The following EAPP variants were observed in gnomAD, a reference collection of about 807,000 sequenced individuals.
EAPP encodes E2F associated phosphoprotein, also known as E2F-associated phosphoprotein.
Under a neutral mutation model 34.3 loss-of-function variants are expected in EAPP, and 38 were observed. The observed-to-expected ratio is 1.11, with a 90% CI of 0.85 to 1.45. EAPP has a LOEUF of 1.45. Among genes scored for constraint, EAPP ranks in the 40% most tolerant of loss-of-function variants. The probability of loss-of-function intolerance (pLI) is 0.00; values close to 1 mark genes in which losing one functional copy is unlikely to be tolerated. For synonymous variants in EAPP, 113 were observed against 117.6 expected, an observed-to-expected ratio of 0.96 and a Z score of 0.25; for missense variants, 338 against 343.7, an observed-to-expected ratio of 0.98 and a Z score of 0.13.
chr14:34,519,572 T>C (rs191776918), intron 5 of EAPP, among the ~76,000 whole-genome samples: 2 of 151,978 alleles, frequency 1.3e-5, no homozygotes, highest in East Asian at 3.9e-4. Context: ...TCCCCAGCCA[T>C]GCTTCCTATA....
At chr14:34,522,817 A>G (rs1039668461) in intron 5 of EAPP, among the ~76,000 whole-genome samples, 10 of 152,240 alleles carry the variant, frequency 6.6e-5, no homozygotes, top group African/African-American at 2.2e-4. Context: ...GTCTCTGGCT[A>G]TCCTTCTTTG....
chr14:34,524,455 TAC>T (rs1311129787), intron 5 of EAPP, among the ~76,000 whole-genome samples: 1 of 151,816 alleles, frequency 6.6e-6, no homozygotes. Context: ...TAGATCTAGA[TAC>T]ACACAAAAAC....
intron 2 of EAPP, among the ~76,000 whole-genome samples, chr14:34,534,187 C>T (rs1469615421): frequency 1.3e-5 from 2 of 149,578 alleles, no homozygotes; most frequent in Non-Finnish European, 3.0e-5. Flanking sequence ...GGCTGGAGTG[C>T]AATAGCACAA....
Position 34,524,822 on chromosome 14 carries a change from G to C in EAPP, c.471-15C>G, listed in dbSNP as rs1880044096. 6.3e-7 allele frequency: 1 copy of C among 1,593,234 alleles called. No individual in the cohort carries two copies. The highest frequency in any genetic ancestry group is 1.3e-5 in the African/African-American group (1 of 74,216). Reference sequence around the variant, plus strand: ...AACCATGGTAACTAGAACAGAAGAAGAAAGTGGGGAGAAAAACATATTAAA... The same window carrying C: ...AACCATGGTAACTAGAACAGAAGAACAAAGTGGGGAGAAAAACATATTAAA... On this transcript the variant is annotated splice_polypyrimidine_tract_variant and intron_variant, in intron 4 of 5. Coordinates refer to ENST00000250454, the MANE Select transcript of EAPP (RefSeq NM_018453.4).
chr14:34,537,325 T>A (rs1288694429), intron 1 of EAPP, among the ~76,000 whole-genome samples: 3 of 152,238 alleles, frequency 2.0e-5, no homozygotes, highest in Admixed American at 6.5e-5. Flanking sequence ...TTATTTCTTA[T>A]AACTGAATGT....
chr14:34,536,130 T>C lies in EAPP; in HGVS notation c.220A>G (p.Lys74Glu), dbSNP rs1880463929. 1.2e-6 allele frequency: 2 copies of C among 1,611,840 alleles called. No individual in the cohort carries two copies. The highest frequency in any genetic ancestry group is 2.2e-5 in the South Asian group (2 of 90,264). The change falls in exon 2 of 6, where the codon AAA becomes GAA. Residue 74 changes from lysine to glutamate, a missense_variant. By Grantham distance (56) the Lys-to-Glu change is moderately conservative (BLOSUM62 1). Transcript: ENST00000250454. ...EMEAELNSTM[K>E]TMEDKLSSLG... ...GAGGATAACTTGTCCTCCATTGTTT[T>C]CATGGTAGAATTTAATTCAGCTTCC...
At chr14:34,535,552 C>G (rs1358214584) in intron 2 of EAPP, among the ~76,000 whole-genome samples, 2 of 151,522 alleles carry the variant, frequency 1.3e-5, no homozygotes, top group Non-Finnish European at 2.9e-5. Flanking sequence ...CCTGCCTCAG[C>G]CTCCCGAGTA....
chr14:34,516,246 G>GGAAA lies in EAPP; in HGVS notation c.*60_*63dup. 3 of 1,453,070 alleles carry GGAAA rather than the reference G, an allele frequency of 2.1e-6. No homozygotes were observed. The highest frequency in any genetic ancestry group is 2.8e-6 in the Non-Finnish European group (3 of 1,075,826). The allele number at this position is 1,453,070 out of a possible 1,614,324, so 90.0% of individuals were successfully genotyped here. A position where few individuals can be genotyped will look rare whatever the true frequency, so the allele number is the denominator to read the frequency against. ...CACTGAAGGATATGAACAGGCAAGA[G>GGAAA]GAAAGTAACTGTCCATATTTGCCTT... On this transcript the variant is annotated 3_prime_UTR_variant, in exon 6 of 6. Coordinates refer to ENST00000250454, the MANE Select transcript of EAPP (RefSeq NM_018453.4).
chr14:34,533,002 T>C (rs1439312996), intron 3 of EAPP, among the ~76,000 whole-genome samples: 1 of 149,686 alleles, frequency 6.7e-6, no homozygotes, highest in East Asian at 2.0e-4. Context: ...TAATCAATCC[T>C]GCTTTTGTTT....
At position 34,536,096 on chromosome 14, in the gene EAPP, G is replaced by C. The variant is rs1460284111; in HGVS notation, c.254C>G (p.Thr85Ser). The change falls in exon 2 of 6, where the codon ACT (threonine) becomes AGT (serine). Residue 85 changes from threonine (T) to serine (S), a missense_variant and splice_region_variant. Transcript: ENST00000250454. ...TMEDKLSSLG[T>S]GSSSGNGKVA... is the part of the protein sequence containing the mutation. ...ATAAAATTGAACCAAAAGTTTACCA[G>C]TTCCCAGAGAGGATAACTTGTCCTC... The C allele has an allele frequency of 1.4e-5, 22 of 1,605,186 alleles. No homozygotes were observed. Among genetic ancestry groups the C allele is most frequent in the East Asian group, 2.2e-5 (1 of 44,536 alleles).
intron 3 of EAPP, among the ~76,000 whole-genome samples, chr14:34,532,331 C>T (rs112012062): frequency 0.012 from 1,839 of 151,906 alleles, 42 homozygotes; most frequent in African/African-American, 0.042. Flanking sequence ...TGGCGACAGG[C>T]GTCTGTAAAC....
At chr14:34,527,785 A>G (rs1880143383) in intron 4 of EAPP, among the ~76,000 whole-genome samples, 1 of 152,178 alleles carries the variant, frequency 6.6e-6, no homozygotes, top group South Asian at 2.1e-4. Context: ...TGCACAGATC[A>G]GTGGCTGCCA....
At chr14:34,532,414 G>A (rs1178447779) in intron 3 of EAPP, among the ~76,000 whole-genome samples, 1 of 151,150 alleles carries the variant, frequency 6.6e-6, no homozygotes, top group African/African-American at 2.4e-5. Flanking sequence ...AACCAAGATG[G>A]TGGTGCCATC....
chr14:34,518,008 C>T (rs899698070), intron 5 of EAPP, among the ~76,000 whole-genome samples: 7 of 151,452 alleles, frequency 4.6e-5, no homozygotes, highest in South Asian at 2.1e-4. Flanking sequence ...CTCCTGACCT[C>T]GTGATCTGCC....
chr14:34,517,590 T>C (rs1047275506), intron 5 of EAPP, among the ~76,000 whole-genome samples: 8 of 151,930 alleles, frequency 5.3e-5, no homozygotes, highest in Non-Finnish European at 1.0e-4. Flanking sequence ...TATGCCTTCT[T>C]TTCTATTTCT....
At position 34,517,006 on chromosome 14, in the gene EAPP, C is replaced by T. The variant is rs61191745; in HGVS notation, c.582-420G>A. Among the ~76,000 whole-genome samples the T allele has an allele frequency of 3.5e-4, 53 of 149,382 alleles. No homozygotes were observed. The East Asian group carries it at 9.8e-3, about 28-fold the overall frequency. On this transcript the variant is annotated intron_variant, in intron 5 of 5. Transcript: ENST00000250454. The stretch of plus-strand genomic sequence containing the variant: ...AGGCTGGAGTGCAGTGGCGCGATCT[C>T]GGCTCACTGCAAGCTCCGTCTCCTG...
rs1880043141 is a variant in EAPP, at chr14:34,524,802, T to C, written c.476A>G (p.His159Arg). ...ACGTGATCTCTGTGGTCCCAAACCA[T>C]GGTAACTAGAACAGAAGAAGAAAGT... ...AWVDAQRRGYHGLGPQRSRQQ... is the reference protein window; with the variant it reads ...AWVDAQRRGYRGLGPQRSRQQ... The change falls in exon 5 of 6, where the codon CAT becomes CGT. Residue 159 changes from histidine to arginine, a missense_variant. By Grantham distance (29) the His-to-Arg change is conservative. Coordinates refer to ENST00000250454, the MANE Select transcript of EAPP (RefSeq NM_018453.4). The C allele has an allele frequency of 1.9e-6, 3 of 1,612,550 alleles. No homozygotes were observed. The highest frequency in any genetic ancestry group is 2.5e-6 in the Non-Finnish European group (3 of 1,179,024).
intron 2 of EAPP, 66 bp from the exon 3 acceptor site, chr14:34,533,605 T>C (rs1352856455): frequency 9.6e-7 from 1 of 1,042,126 alleles, no homozygotes; most frequent in African/African-American, 1.6e-5. Context: ...AAAAACTCCA[T>C]ATATTCTTCC....
At position 34,524,584 on chromosome 14, in the gene EAPP, C is replaced by G. The variant is rs1880030776; in HGVS notation, c.581+113G>C. On this transcript the variant is annotated intron_variant, in intron 5 of 5. Transcript: ENST00000250454. The stretch of plus-strand genomic sequence containing the variant: ...TGAGGCGAGATTGTGCCACTGCACT[C>G]CAGCCTGGGCAACAGAGTAAGACTC... 15 of 793,596 alleles carry G rather than the reference C, an allele frequency of 1.9e-5. No individual in the cohort carries two copies. The South Asian group carries it at 2.6e-4, about 14-fold the overall frequency. The allele number at this position is 793,596 out of a possible 1,614,324, so 49.2% of individuals were successfully genotyped here.
Sources: allele counts gnomAD v4.1 joint callset (sites outside exome capture counted in the v4.1 genomes callset), GRCh38; gene constraint gnomAD v4.1.1; transcripts MANE v1.5; gene names NCBI Gene and HGNC (gene_info 2026-07-23, HGNC 2026-07-21).